GSG1L: variants seen among roughly 807,000 people sequenced by gnomAD.
GSG1L encodes germ cell-specific gene 1-like protein.
Under a neutral mutation model 42.1 loss-of-function variants are expected in GSG1L, and 24 were observed. The observed-to-expected ratio is 0.57, with a 90% CI of 0.41 to 0.80. GSG1L has a LOEUF of 0.80. Ranked by LOEUF, GSG1L falls within the 30% of genes least tolerant of loss-of-function variation. The pLI is 0.00. For synonymous variants in GSG1L, 215 were observed against 203.5 expected (o/e 1.06, Z -0.48); for missense variants, 445 against 472.2 (o/e 0.94, Z 0.53).
intron 1 of GSG1L, among the ~76,000 whole-genome samples, chr16:27,969,915 C>T (rs34947651): frequency 0.25 from 38,767 of 152,082 alleles, 5,293 homozygotes; most frequent in East Asian, 0.49. Context: ...CAGTGCCATG[C>T]GGTATCTCAC....
At chr16:27,803,810 G>GAT (rs1567460527) in intron 6 of GSG1L, among the ~76,000 whole-genome samples, 7 of 135,982 alleles carry the variant, frequency 5.1e-5, no homozygotes, top group African/African-American at 1.8e-4. Context: ...GATAGATATA[G>GAT]ATATAGATAT....
intron 3 of GSG1L, among the ~76,000 whole-genome samples, chr16:27,878,856 C>T (rs1327520326): frequency 6.6e-6 from 1 of 152,182 alleles, no homozygotes; most frequent in Non-Finnish European, 1.5e-5. Flanking sequence ...ACTCTGAACA[C>T]AAGGACAAGT....
chr16:27,938,570 A>G (rs150672032), intron 2 of GSG1L, among the ~76,000 whole-genome samples: 8,373 of 152,180 alleles, frequency 0.055, 310 homozygotes, highest in Middle Eastern at 0.1. Context: ...TCCAGGCAGC[A>G]GGTCAGAGTG....
chr16:27,842,504 C>T (rs2083397488), intron 4 of GSG1L, among the ~76,000 whole-genome samples: 1 of 152,208 alleles, frequency 6.6e-6, no homozygotes, highest in South Asian at 2.1e-4. Flanking sequence ...TTATTACACA[C>T]ATGGTCAACA....
At chr16:27,818,329 A>C (rs560114689) in intron 5 of GSG1L, among the ~76,000 whole-genome samples, 1 of 151,946 alleles carries the variant, frequency 6.6e-6, no homozygotes, top group East Asian at 1.9e-4. Flanking sequence ...TCCTTTGATA[A>C]TTTTTTCACT....
intron 3 of GSG1L, among the ~76,000 whole-genome samples, chr16:27,878,985 A>G (rs559164237): frequency 6.6e-6 from 1 of 152,292 alleles, no homozygotes; most frequent in South Asian, 2.1e-4. Context: ...GAGGCAGGCC[A>G]GGGTGATAAC....
chr16:27,834,167 C>T (rs1246247672), intron 4 of GSG1L, among the ~76,000 whole-genome samples: 1 of 152,068 alleles, frequency 6.6e-6, no homozygotes, highest in African/African-American at 2.4e-5. Context: ...TGAATTGTGT[C>T]AAATGCTTTT....
intron 1 of GSG1L, among the ~76,000 whole-genome samples, chr16:28,039,562 CAT>C (rs1449949293): frequency 2.0e-5 from 3 of 152,078 alleles, no homozygotes; most frequent in African/African-American, 7.2e-5. Flanking sequence ...GGCATGCACA[CAT>C]ATGTGCACAC....
chr16:28,046,904 AG>A (rs2086167577), intron 1 of GSG1L, among the ~76,000 whole-genome samples: 1 of 152,180 alleles, frequency 6.6e-6, no homozygotes, highest in South Asian at 2.1e-4. Flanking sequence ...CTGCTCAGAG[AG>A]GGAAAAGTTT....
At chr16:27,824,871 C>A (rs116452655) in intron 5 of GSG1L, among the ~76,000 whole-genome samples, 1 of 152,204 alleles carries the variant, frequency 6.6e-6, no homozygotes, top group African/African-American at 2.4e-5. Flanking sequence ...GGCAACTGAC[C>A]GCAGTGCTAA....
At position 27,828,896 on chromosome 16, in the gene GSG1L, G is replaced by A. The variant is rs758671274; in HGVS notation, c.723C>T (p.Tyr241=). 1.2e-6 allele frequency: 2 copies of A among 1,614,214 alleles called. No homozygotes were observed. Among genetic ancestry groups the A allele is most frequent in the Admixed American group, 1.7e-5 (1 of 60,028 alleles). ...GCCGGAACTCAATGACCGTCTTGGT[G>A]TAGGAGTTGAGCGTGGTGACAGAGG... The part of the protein sequence containing the change: ...MAASVTTLNS[Y]TKTVIEFRHK... The change falls in exon 5 of 7, where the codon TAC becomes TAT. Residue 241 remains tyrosine, a synonymous_variant. Transcript: ENST00000447459.
intron 3 of GSG1L, among the ~76,000 whole-genome samples, chr16:27,863,818 A>G (rs896991005): frequency 1.3e-5 from 2 of 152,214 alleles, no homozygotes; most frequent in Non-Finnish European, 2.9e-5. Context: ...ACCCTCATTG[A>G]AGACCCACAG....
chr16:27,918,786 G>A (rs1346769987), intron 2 of GSG1L, among the ~76,000 whole-genome samples: 4 of 152,146 alleles, frequency 2.6e-5, no homozygotes, highest in Non-Finnish European at 5.9e-5. Context: ...CCCTGCAAAG[G>A]CTTGCTGAAC....
At chr16:28,018,689 C>T (rs978561106) in intron 1 of GSG1L, among the ~76,000 whole-genome samples, 6 of 152,034 alleles carry the variant, frequency 3.9e-5, no homozygotes, top group Non-Finnish European at 7.4e-5. Context: ...CACCTTCCCC[C>T]CACCCCCAGG....
chr16:27,804,300 A>G (rs1230238806), intron 6 of GSG1L, among the ~76,000 whole-genome samples: 1 of 151,614 alleles, frequency 6.6e-6, no homozygotes, highest in African/African-American at 2.4e-5. Context: ...TGGCTATTCC[A>G]CAAGCACTGT....
intron 2 of GSG1L, among the ~76,000 whole-genome samples, chr16:27,950,213 T>A (rs927096784): frequency 6.6e-6 from 1 of 152,194 alleles, no homozygotes; most frequent in Non-Finnish European, 1.5e-5. Flanking sequence ...AAATTTAAAT[T>A]ACTGCTGTTT....
intron 1 of GSG1L, among the ~76,000 whole-genome samples, chr16:28,005,126 T>A (rs2085624503): frequency 6.6e-6 from 1 of 152,162 alleles, no homozygotes; most frequent in Non-Finnish European, 1.5e-5. Flanking sequence ...TCTCTCCTTT[T>A]TTTTGAGATG....
At chr16:27,821,435 C>G (rs2083149670) in intron 5 of GSG1L, among the ~76,000 whole-genome samples, 1 of 152,118 alleles carries the variant, frequency 6.6e-6, no homozygotes, top group Non-Finnish European at 1.5e-5. Context: ...TTGCCTTCCT[C>G]CCTCCCTGCT....
chr16:27,867,951 T>C (rs936080206), intron 3 of GSG1L, among the ~76,000 whole-genome samples: 1 of 152,252 alleles, frequency 6.6e-6, no homozygotes, highest in Admixed American at 6.5e-5. Flanking sequence ...CAGCATCCCT[T>C]GCTACACTCA....
Sources: gnomAD v4.1 joint callset for allele counts (sites outside exome capture counted in the v4.1 genomes callset) on GRCh38, gnomAD v4.1.1 for gene constraint, MANE v1.5 for transcripts, NCBI Gene and HGNC (gene_info 2026-07-23, HGNC 2026-07-21) for gene names.